WDR81: variants seen among roughly 807,000 people sequenced by gnomAD.
WDR81 encodes the protein WD repeat-containing protein 81.
A neutral mutation model predicts 140.8 loss-of-function variants in WDR81; 92 were observed. The ratio of observed to expected loss-of-function variants is 0.65; its 90% CI spans 0.55 to 0.78. WDR81 has a LOEUF of 0.78. Among genes scored for constraint, WDR81 ranks in the 30% least tolerant of loss-of-function variants. The probability of loss-of-function intolerance (pLI) is 0.00; values close to 1 mark genes in which losing one functional copy is unlikely to be tolerated. For missense variants in WDR81, 2,502 were observed against 2,636.4 expected (o/e 0.95, Z 1.12); for synonymous variants, 1,183 against 1,156.4 (o/e 1.02, Z -0.47).
rs1282529829 is a variant in WDR81, at chr17:1,727,125, C to A, written c.2166C>A (p.Pro722=). The change falls in exon 1 of 10, where the codon CCC becomes CCA. Residue 722 remains proline, a synonymous_variant. Transcript: ENST00000409644. ...GTGAGGAGGGGAGGATTCTTCTTCC[C>A]GAGGGCTTCAATCCCATGCAGGCCC... is the stretch of plus-strand genomic sequence containing the variant. ...GEGEEGRILL[P]EGFNPMQALE... 6.5e-7 allele frequency: 1 copy of A among 1,546,852 alleles called. No individual in the cohort carries two copies. Among genetic ancestry groups the A allele is most frequent in the Non-Finnish European group, 8.7e-7 (1 of 1,144,510 alleles).
In WDR81 at chr17:1,725,493, G is replaced by A. The variant is rs1197533115; in HGVS notation, c.534G>A (p.Arg178=). 6.5e-7 allele frequency: 1 copy of A among 1,547,258 alleles called. No individual in the cohort carries two copies. The highest frequency in any genetic ancestry group is 8.7e-7 in the Non-Finnish European group (1 of 1,146,886). ...PSAVPALDSV[R]QALQRVYGCS... is the part of the protein sequence containing the mutation. Reference sequence around the variant, plus strand: ...CTGTCCCTGCCTTGGACTCAGTACGGCAGGCTCTGCAGAGGGTCTATGGTT... The same window carrying A: ...CTGTCCCTGCCTTGGACTCAGTACGACAGGCTCTGCAGAGGGTCTATGGTT... The change falls in exon 1 of 10, where the codon CGG becomes CGA. Residue 178 remains arginine, a synonymous_variant. Coordinates refer to ENST00000409644, the MANE Select transcript of WDR81 (RefSeq NM_001163809.2).
Position 1,727,979 on chromosome 17 carries a change from A to C in WDR81, c.3020A>C (p.His1007Pro). ...GCATTTCTCACTCACCTGCTGCCCCATGTCCTGCAGGTGCTGGCGGGCGCA... is the reference window on the plus strand; with the variant it reads ...GCATTTCTCACTCACCTGCTGCCCCCTGTCCTGCAGGTGCTGGCGGGCGCA... ...LQAFLTHLLP[H>P]VLQVLAGAEA... The change falls in exon 1 of 10, where the codon CAT (histidine) becomes CCT (proline). Residue 1007 changes from histidine (H) to proline (P), a missense_variant. Physicochemically the swap from His to Pro is moderately conservative, Grantham distance 77 (BLOSUM62 -2). Around this residue, in one of 3 missense-constraint regions of WDR81, gnomAD observed 1,737 missense variants for 1,843.0 expected, o/e 0.94. Transcript: ENST00000409644. 1 of 1,550,240 alleles carries C rather than the reference A, an allele frequency of 6.5e-7. No homozygotes were observed. Among genetic ancestry groups the C allele is most frequent in the Non-Finnish European group, 8.7e-7 (1 of 1,147,018 alleles).
rs986127904 is a variant in WDR81, at chr17:1,725,433, C to G, written c.474C>G (p.Tyr158Ter). The G allele has an allele frequency of 3.2e-6, 5 of 1,549,350 alleles. No individual in the cohort carries two copies. The highest frequency in any genetic ancestry group is 2.4e-5 in the East Asian group (1 of 40,940). ...RNLWRHAYHT[Y>*]GQPYSHSPAP... The stretch of plus-strand genomic sequence containing the variant: ...TGTGGCGCCATGCATACCACACTTA[C>G]GGCCAGCCGTACAGTCACAGCCCTG... The change falls in exon 1 of 10, where the codon TAC becomes TAG. Residue 158 changes from tyrosine (Y) to a stop codon, truncating the protein, a stop_gained. Coordinates refer to ENST00000409644, the MANE Select transcript of WDR81 (RefSeq NM_001163809.2). LOFTEE classifies it high-confidence loss of function.
chr17:1,725,580 C>T lies in WDR81; in HGVS notation c.621C>T (p.Cys207=). The change falls in exon 1 of 10, where the codon TGC becomes TGT. Residue 207 remains cysteine (C), a synonymous_variant. Coordinates refer to ENST00000409644, the MANE Select transcript of WDR81 (RefSeq NM_001163809.2). ...QCPSYAREGP[C]PPRGSPACPS... Reference sequence around the variant, plus strand: ...CTTCATATGCCAGAGAAGGCCCCTGCCCCCCTCGGGGCAGCCCTGCTTGCC... The same window carrying T: ...CTTCATATGCCAGAGAAGGCCCCTGTCCCCCTCGGGGCAGCCCTGCTTGCC... The T allele has an allele frequency of 6.5e-7, 1 of 1,545,102 alleles. No individual in the cohort carries two copies.
At chr17:1,729,923 G>A (rs1257228813) in intron 1 of WDR81, among the ~76,000 whole-genome samples, 1 of 151,800 alleles carries the variant, frequency 6.6e-6, no homozygotes, top group Admixed American at 6.6e-5. Flanking sequence ...GGTGGAAGGT[G>A]GAGGTTGCAA....
upstream of WDR81, chr17:1,724,497 G>A: frequency 5.1e-6 from 5 of 986,038 alleles, no homozygotes; most frequent in Non-Finnish European, 6.0e-6. Context: ...GGGAGGGGTG[G>A]GGCGGTAGGC....
Position 1,725,962 on chromosome 17 carries a change from C to T in WDR81, c.1003C>T (p.Gln335Ter). 1.3e-6 allele frequency: 2 copies of T among 1,550,506 alleles called. No homozygotes were observed. Among genetic ancestry groups the T allele is most frequent in the Non-Finnish European group, 1.7e-6 (2 of 1,146,838 alleles). Reference protein sequence around the residue: ...GIVSQEEQGGQPGQPTGQEEL... With the variant: ...GIVSQEEQGG ...TGTGTCTCAAGAGGAGCAGGGAGGG[C>T]AACCTGGGCAACCCACTGGCCAGGA... The change falls in exon 1 of 10, where the codon CAA becomes TAA. Residue 335 changes from glutamine to a stop codon, truncating the protein, a stop_gained. Coordinates refer to ENST00000409644, the MANE Select transcript of WDR81 (RefSeq NM_001163809.2). LOFTEE classifies it high-confidence loss of function.
Position 1,725,058 on chromosome 17 carries a change from C to G in WDR81, c.99C>G (p.Ser33Arg). ...PSPDMQELLR[S>R]VERDLSIDPR... ...CAGACATGCAGGAGCTGCTCCGGAG[C>G]GTGGAGAGGGACCTGAGCATCGATC... The change falls in exon 1 of 10, where the codon AGC becomes AGG. Residue 33 changes from serine to arginine, a missense_variant. Ser to Arg is a moderately radical substitution (Grantham distance 110). Transcript: ENST00000409644. 2 of 1,483,028 alleles carry G rather than the reference C, an allele frequency of 1.3e-6. No homozygotes were observed. The highest frequency in any genetic ancestry group is 1.4e-5 in the African/African-American group (1 of 71,526). The allele number at this position is 1,483,028 out of a possible 1,614,324, so 91.9% of individuals were successfully genotyped here.
intron 1 of WDR81, among the ~76,000 whole-genome samples, chr17:1,718,415 C>A (rs1428554382): frequency 6.6e-6 from 1 of 152,236 alleles, no homozygotes; most frequent in Non-Finnish European, 1.5e-5. Context: ...CCACCGCGCC[C>A]GGCCGCATTC....
At chr17:1,736,617 C>T (rs914914204) in intron 9 of WDR81, among the ~76,000 whole-genome samples, 9 of 152,168 alleles carry the variant, frequency 5.9e-5, no homozygotes, top group Non-Finnish European at 1.0e-4. Context: ...GCCTGTAGAC[C>T]GCTGAGCAGA....
Position 1,727,914 on chromosome 17 carries a change from C to T in WDR81, c.2955C>T (p.Asp985=), listed in dbSNP as rs1469879167. The change falls in exon 1 of 10, where the codon GAC becomes GAT. Residue 985 remains aspartate (D), a synonymous_variant. Transcript: ENST00000409644. Reference sequence around the variant, plus strand: ...ACGGCCGCTTCTACCTGTACACGGACTGCTTTGTGGCCCAGCTGATGGTGC... The same window carrying T: ...ACGGCCGCTTCTACCTGTACACGGATTGCTTTGTGGCCCAGCTGATGGTGC... ...QLHGRFYLYT[D]CFVAQLMVRL... is the part of the protein sequence containing the mutation. 3.2e-6 allele frequency: 5 copies of T among 1,550,712 alleles called. No homozygotes were observed. The East Asian group carries it at 1.2e-4, about 38-fold the overall frequency.
chr17:1,727,301 T>G lies in WDR81; in HGVS notation c.2342T>G (p.Met781Arg). Residue 781 changes from methionine (M) to arginine (R), a missense_variant, in exon 1 of 10, where the codon ATG (methionine) becomes AGG (arginine). Physicochemically the swap from Met to Arg is moderately conservative, Grantham distance 91 (BLOSUM62 -1). Around this residue, in one of 3 missense-constraint regions of WDR81, gnomAD observed 1,737 missense variants for 1,843.0 expected, o/e 0.94. Coordinates refer to ENST00000409644, the MANE Select transcript of WDR81 (RefSeq NM_001163809.2). The part of the protein sequence containing the change: ...MQALGVLLAE[M>R]VFATRVRTLQ... ...GCGCTGGGTGTCCTATTGGCAGAGATGGTGTTTGCCACCAGGGTGCGGACG... is the reference window on the plus strand; with the variant it reads ...GCGCTGGGTGTCCTATTGGCAGAGAGGGTGTTTGCCACCAGGGTGCGGACG... 1 of 1,550,076 alleles carries G rather than the reference T, an allele frequency of 6.5e-7. No individual in the cohort carries two copies. The highest frequency in any genetic ancestry group is 8.7e-7 in the Non-Finnish European group (1 of 1,146,968).
At position 1,727,317 on chromosome 17, in the gene WDR81, G is replaced by C; in HGVS notation, c.2358G>C (p.Arg786Ser). 6.5e-7 allele frequency: 1 copy of C among 1,549,940 alleles called. No homozygotes were observed. The highest frequency in any genetic ancestry group is 8.7e-7 in the Non-Finnish European group (1 of 1,146,990). ...TGGCAGAGATGGTGTTTGCCACCAGGGTGCGGACGCTGCAGCCCGATGCAC... is the reference window on the plus strand; with the variant it reads ...TGGCAGAGATGGTGTTTGCCACCAGCGTGCGGACGCTGCAGCCCGATGCAC... ...VLLAEMVFAT[R>S]VRTLQPDAPL... The change falls in exon 1 of 10, where the codon AGG (arginine) becomes AGC (serine). Residue 786 changes from arginine to serine, a missense_variant. This residue lies in a region of WDR81 where 1,737 missense variants were observed against 1,843.0 expected (regional missense o/e 0.94). Transcript: ENST00000409644.
In WDR81 at chr17:1,726,579, C is replaced by T; in HGVS notation, c.1620C>T (p.Asp540=). 1 of 1,550,332 alleles carries T rather than the reference C, an allele frequency of 6.5e-7. No homozygotes were observed. Among genetic ancestry groups the T allele is most frequent in the African/African-American group, 1.4e-5 (1 of 73,138 alleles). Residue 540 remains aspartate (D), a synonymous_variant, in exon 1 of 10, where the codon GAC becomes GAT. Coordinates refer to ENST00000409644, the MANE Select transcript of WDR81 (RefSeq NM_001163809.2). ...TGGAGAGCCGCGAGGTATCCCGGGA[C>T]CTGCACCATTGGATCGACCTCACGT... ...ALLESREVSR[D]LHHWIDLTFG... is the part of the protein sequence containing the mutation.
Position 1,726,813 on chromosome 17 carries a change from C to T in WDR81, c.1854C>T (p.Gly618=). 6.5e-7 allele frequency: 1 copy of T among 1,549,604 alleles called. No homozygotes were observed. Among genetic ancestry groups the T allele is most frequent in the Non-Finnish European group, 8.7e-7 (1 of 1,146,874 alleles). Residue 618 remains glycine, a synonymous_variant, in exon 1 of 10, where the codon GGC becomes GGT. Transcript: ENST00000409644. ...LLVQTIQETT[G]REDFTENPGQ... ...TCCAGACCATCCAGGAGACCACAGGCCGGGAGGACTTCACGGAAAACCCGG... is the reference window on the plus strand; with the variant it reads ...TCCAGACCATCCAGGAGACCACAGGTCGGGAGGACTTCACGGAAAACCCGG...
rs750934198 is a variant in WDR81 at position 1,727,100 on chromosome 17, G to C, written c.2141G>C (p.Gly714Ala). The change falls in exon 1 of 10, where the codon GGT (glycine) becomes GCT (alanine). Residue 714 changes from glycine to alanine, a missense_variant. Physicochemically the swap from Gly to Ala is moderately conservative, Grantham distance 60. Transcript: ENST00000409644. ...GCTGCTGGGGCAGACCCTGGGGAGGGTGAGGAGGGGAGGATTCTTCTTCCC... is the reference window on the plus strand; with the variant it reads ...GCTGCTGGGGCAGACCCTGGGGAGGCTGAGGAGGGGAGGATTCTTCTTCCC... ...NKAAGADPGE[G>A]EEGRILLPEG... 8 of 1,548,234 alleles carry C rather than the reference G, an allele frequency of 5.2e-6. No homozygotes were observed. The highest frequency in any genetic ancestry group is 3.3e-4 in the Middle Eastern group (2 of 5,982).
At position 1,728,816 on chromosome 17, in the gene WDR81, G is replaced by T. The variant is rs898152482; in HGVS notation, c.3667+190G>T. Among the ~76,000 whole-genome samples, 3 of 152,100 alleles carry T rather than the reference G, an allele frequency of 2.0e-5. No individual in the cohort carries two copies. In the South Asian group the frequency reaches 6.2e-4, roughly 32 times the overall value. Reference sequence around the variant, plus strand: ...AAAATACAAAAAAATAGCCGGGCGTGGGGGCAGGCACCTGTAGTCCCAGCT... The same window carrying T: ...AAAATACAAAAAAATAGCCGGGCGTTGGGGCAGGCACCTGTAGTCCCAGCT... On this transcript the variant is annotated intron_variant, in intron 1 of 9. Transcript: ENST00000409644.
At position 1,725,046 on chromosome 17, in the gene WDR81, G is replaced by C. The variant is rs143607787; in HGVS notation, c.87G>C (p.Glu29Asp). The C allele has an allele frequency of 5.4e-6, 8 of 1,475,604 alleles. No individual in the cohort carries two copies. The highest frequency in any genetic ancestry group is 1.4e-5 in the African/African-American group (1 of 70,960). The allele number at this position is 1,475,604 out of a possible 1,614,324, so 91.4% of individuals were successfully genotyped here. The change falls in exon 1 of 10, where the codon GAG becomes GAC. Residue 29 changes from glutamate (E) to aspartate (D), a missense_variant. Around this residue, in one of 3 missense-constraint regions of WDR81, gnomAD observed 547 missense variants for 513.8 expected, o/e 1.06. Transcript: ENST00000409644. Reference protein sequence around the residue: ...WHSPPSPDMQELLRSVERDLS... With the variant: ...WHSPPSPDMQDLLRSVERDLS... The stretch of plus-strand genomic sequence containing the variant: ...CCCCGCCAAGCCCAGACATGCAGGA[G>C]CTGCTCCGGAGCGTGGAGAGGGACC...
At position 1,728,597 on chromosome 17, in the gene WDR81, C is replaced by T. The variant is rs761978698; in HGVS notation, c.3638C>T (p.Ser1213Leu). The T allele has an allele frequency of 6.7e-7, 1 of 1,483,046 alleles. No individual in the cohort carries two copies. Among genetic ancestry groups the T allele is most frequent in the Admixed American group, 2.4e-5 (1 of 41,678 alleles). 91.9% of individuals were successfully genotyped at this position (1,483,046 alleles called of 1,614,324 possible). A position where few individuals can be genotyped will look rare whatever the true frequency, so the allele number is the denominator to read the frequency against. ...EEEEEALPEQ[S>L]EGKEQKILLD... ...GAGGAGGAGGCACTGCCTGAGCAGT[C>T]AGAAGGCAAAGAACAGAAGATCCTC... The change falls in exon 1 of 10, where the codon TCA (serine) becomes TTA (leucine). Residue 1213 changes from serine (S) to leucine (L), a missense_variant. This residue lies in a region of WDR81 where 1,737 missense variants were observed against 1,843.0 expected (regional missense o/e 0.94). Coordinates refer to ENST00000409644, the MANE Select transcript of WDR81 (RefSeq NM_001163809.2).
Sources: allele counts gnomAD v4.1 joint callset (sites outside exome capture counted in the v4.1 genomes callset), GRCh38; gene constraint gnomAD v4.1.1; regional missense constraint gnomAD v4.1.1; transcripts MANE v1.5; gene names NCBI Gene and HGNC (gene_info 2026-07-23, HGNC 2026-07-21).